The following TOGARAM1 variants were observed in gnomAD, a reference collection of about 807,000 sequenced individuals.
TOGARAM1 encodes TOG array regulator of axonemal microtubules protein 1.
A neutral mutation model predicts 166.6 loss-of-function variants in TOGARAM1; 100 were observed. That is an observed-to-expected ratio of 0.60 (90% CI 0.51 to 0.71). The LOEUF is 0.71. Among genes scored for constraint, TOGARAM1 ranks in the 30% least tolerant of loss-of-function variants. The probability of loss-of-function intolerance (pLI) is 0.00; values close to 1 mark genes in which losing one functional copy is unlikely to be tolerated. For missense variants in TOGARAM1, 2,029 were observed against 2,102.7 expected (o/e 0.96, Z 0.69); for synonymous variants, 758 against 763.8 (o/e 0.99, Z 0.13).
intron 3 of TOGARAM1, among the ~76,000 whole-genome samples, chr14:45,003,210 A>G (rs932518714): frequency 2.0e-5 from 3 of 152,142 alleles, no homozygotes; most frequent in Admixed American, 1.3e-4. Context: ...TAAAGGATAT[A>G]TAATATATAC....
chr14:45,054,327 C>T (rs1326135349), intron 15 of TOGARAM1, 104 bp from the exon 16 acceptor site: 3 of 663,514 alleles, frequency 4.5e-6, no homozygotes, highest in African/African-American at 1.8e-5. Context: ...AAATACTTTC[C>T]ATCTTAAAAA....
intron 7 of TOGARAM1, among the ~76,000 whole-genome samples, chr14:45,014,084 C>T (rs1033036834): frequency 2.1e-5 from 3 of 139,832 alleles, no homozygotes; most frequent in African/African-American, 5.5e-5. Flanking sequence ...CTCGCTCTGT[C>T]GCTGAGGCTA....
At chr14:44,997,011 G>A (rs1887445124) in intron 2 of TOGARAM1, 1 of 152,272 alleles carries the variant, frequency 6.6e-6, no homozygotes, top group Admixed American at 6.5e-5. Flanking sequence ...AACTGTATCA[G>A]AGAGCAAGGT....
chr14:44,988,672 A>G (rs1886981479), intron 1 of TOGARAM1, among the ~76,000 whole-genome samples: 1 of 152,118 alleles, frequency 6.6e-6, no homozygotes, highest in Non-Finnish European at 1.5e-5. Flanking sequence ...TTCCCCTCTG[A>G]GTGTGTTTGG....
chr14:44,984,730 G>A (rs1053302209), intron 1 of TOGARAM1, among the ~76,000 whole-genome samples: 8 of 151,696 alleles, frequency 5.3e-5, no homozygotes, highest in Non-Finnish European at 1.2e-4. Context: ...AGCTATGATC[G>A]TGCCACTGCA....
At chr14:44,973,578 TTCTCTCTC>T (rs369605488) in intron 1 of TOGARAM1, among the ~76,000 whole-genome samples, 1 of 148,290 alleles carries the variant, frequency 6.7e-6, no homozygotes, top group Non-Finnish European at 1.5e-5. Flanking sequence ...CCAGTGTACT[TTCTCTCTC>T]TCTCTCTCTC....
intron 1 of TOGARAM1, among the ~76,000 whole-genome samples, chr14:44,968,201 T>C (rs1191040033): frequency 1.3e-5 from 2 of 152,238 alleles, no homozygotes; most frequent in Non-Finnish European, 2.9e-5. Context: ...TAAACAGTTT[T>C]ATGTGTGCAG....
Position 45,066,562 on chromosome 14 carries a change from C to T in TOGARAM1, c.4560-16C>T, listed in dbSNP as rs776380053. ...AAAGTACAAATGAAATTACCTTCAC[C>T]TTTCTTTCACTTTAGAGCTGTAACT... On this transcript the variant is annotated splice_polypyrimidine_tract_variant and intron_variant, in intron 16 of 19. Coordinates refer to ENST00000361462, the MANE Select transcript of TOGARAM1 (RefSeq NM_001308120.2). 6.4e-6 allele frequency: 10 copies of T among 1,568,624 alleles called. No homozygotes were observed. Among genetic ancestry groups the T allele is most frequent in the Non-Finnish European group, 8.7e-6 (10 of 1,152,670 alleles).
intron 6 of TOGARAM1, among the ~76,000 whole-genome samples, chr14:45,009,755 C>A (rs928037774): frequency 6.6e-6 from 1 of 152,168 alleles, no homozygotes; most frequent in Non-Finnish European, 1.5e-5. Context: ...GTAACCTCTA[C>A]GTCTTAAACC....
chr14:45,019,428 A>C (rs1010555344), intron 7 of TOGARAM1, among the ~76,000 whole-genome samples: 1 of 151,924 alleles, frequency 6.6e-6, no homozygotes. Context: ...GACACATAAA[A>C]CTAACACCTG....
At chr14:45,043,544 T>C in intron 11 of TOGARAM1, 142 bp from the exon 12 acceptor site, 1 of 621,472 alleles carries the variant, frequency 1.6e-6, no homozygotes. Flanking sequence ...TCTGCTAAAC[T>C]CAAAACTTTT....
At chr14:45,021,070 A>AGGGGTGC (rs1403821084) in intron 7 of TOGARAM1, among the ~76,000 whole-genome samples, 1 of 152,136 alleles carries the variant, frequency 6.6e-6, no homozygotes, top group East Asian at 1.9e-4. Flanking sequence ...TGTAGGGGTT[A>AGGGGTGC]GGGGTGCTAT....
At chr14:45,047,418 C>CAGG (rs953337662) in intron 14 of TOGARAM1, among the ~76,000 whole-genome samples, 2 of 149,926 alleles carry the variant, frequency 1.3e-5, no homozygotes, top group Non-Finnish European at 3.0e-5. Flanking sequence ...AAGAAAAATA[C>CAGG]AGGAATAATG....
chr14:44,988,122 G>A (rs1462744263), intron 1 of TOGARAM1, among the ~76,000 whole-genome samples: 1 of 122,656 alleles, frequency 8.2e-6, no homozygotes, highest in Non-Finnish European at 1.7e-5. Flanking sequence ...GGGGGAGGGG[G>A]GAGGGATAGC....
chr14:44,991,962 G>T (rs1285163720), intron 1 of TOGARAM1, among the ~76,000 whole-genome samples: 1 of 149,236 alleles, frequency 6.7e-6, no homozygotes, highest in Non-Finnish European at 1.5e-5. Context: ...TTATAGCCAG[G>T]CATGGTGGTG....
intron 15 of TOGARAM1, 43 bp from the exon 16 acceptor site, chr14:45,054,388 A>T (rs1293145777): frequency 4.2e-6 from 5 of 1,195,504 alleles, no homozygotes; most frequent in Non-Finnish European, 6.0e-6. Context: ...TTTCACTACT[A>T]GTTTTAAAAT....
rs141963272 is a variant in TOGARAM1, at chr14:44,964,029, A to G, written c.1608A>G (p.Val536=). Residue 536 remains valine (V), a synonymous_variant, in exon 1 of 20, where the codon GTA becomes GTG. Transcript: ENST00000361462. Reference sequence around the variant, plus strand: ...AAGCAGCTTTAGAAGCTTTTGCCGTATTGGCATCATCAATGGGCTCAGGTA... The same window carrying G: ...AAGCAGCTTTAGAAGCTTTTGCCGTGTTGGCATCATCAATGGGCTCAGGTA... ...VRQAALEAFA[V]LASSMGSGKT... 9 of 1,614,094 alleles carry G rather than the reference A, an allele frequency of 5.6e-6. No individual in the cohort carries two copies. The African/African-American group carries it at 9.3e-5, about 17-fold the overall frequency.
At chr14:44,964,658 G>A (rs1258677950) in intron 1 of TOGARAM1, among the ~76,000 whole-genome samples, 191 bp downstream of exon 1, 1 of 151,892 alleles carries the variant, frequency 6.6e-6, no homozygotes, top group Non-Finnish European at 1.5e-5. Flanking sequence ...TAGGCTTCCT[G>A]CTTGATAGAT....
intron 1 of TOGARAM1, among the ~76,000 whole-genome samples, chr14:44,987,590 A>G (rs959474441): frequency 1.2e-4 from 18 of 151,460 alleles, no homozygotes; most frequent in African/African-American, 3.4e-4. Context: ...GCAATCATTA[A>G]AAAGTCAGGA....
Sources: allele counts gnomAD v4.1 joint callset (sites outside exome capture counted in the v4.1 genomes callset), GRCh38; gene constraint gnomAD v4.1.1; transcripts MANE v1.5; gene names NCBI Gene and HGNC (gene_info 2026-07-23, HGNC 2026-07-21).